USP25: variants seen among roughly 807,000 people sequenced by gnomAD.
The protein encoded by USP25 is ubiquitin specific peptidase 25, also known as ubiquitin carboxyl-terminal hydrolase 25.
Under a neutral mutation model 158.5 loss-of-function variants are expected in USP25, and 85 were observed. The ratio of observed to expected loss-of-function variants is 0.54; its 90% CI spans 0.45 to 0.64. USP25 has a LOEUF of 0.64. Among genes scored for constraint, USP25 ranks in the 30% least tolerant of loss-of-function variants. USP25 has a pLI of 0.00. For synonymous variants in USP25, 464 were observed against 460.4 expected, an observed-to-expected ratio of 1.01 and a Z score of -0.10; for missense variants, 1,242 against 1,327.3, an observed-to-expected ratio of 0.94 and a Z score of 1.00.
In USP25 at chr21:15,816,815, TCTTA is replaced by T. The variant is rs1033433973; in HGVS notation, c.932-1878_932-1875del. 6.6e-6 allele frequency among the ~76,000 whole-genome samples: 1 copy of T among 152,066 alleles called. No homozygotes were observed. Among genetic ancestry groups the T allele is most frequent in the Non-Finnish European group, 1.5e-5 (1 of 68,002 alleles). ...ACTAAAGAAAAAAAAAATCCTGTGT[TCTTA>T]CTTAAGTGGTGCCATTTTCAGTCCA... On this transcript the variant is annotated intron_variant, in intron 9 of 25. Coordinates refer to ENST00000400183, the MANE Select transcript of USP25 (RefSeq NM_001283041.3). This position sits in a 1 kb window ranked among gnomAD's most constrained non-coding sequence, Gnocchi z 4.0.
At position 15,826,982 on chromosome 21, in the gene USP25, C is replaced by G; in HGVS notation, c.1472C>G (p.Thr491Arg). 1 of 1,613,358 alleles carries G rather than the reference C, an allele frequency of 6.2e-7. No individual in the cohort carries two copies. The highest frequency in any genetic ancestry group is 8.5e-7 in the Non-Finnish European group (1 of 1,179,968). Residue 491 changes from threonine (T) to arginine (R), a missense_variant, in exon 14 of 26, where the codon ACA (threonine) becomes AGA (arginine). Transcript: ENST00000400183. This position sits in a 1 kb window ranked among gnomAD's most constrained non-coding sequence, Gnocchi z 4.8. ...SIPSQTLPST[T>R]EQQGALSSEL... Reference sequence around the variant, plus strand: ...TACTCTATGCTTTGATACAGCACAACAGAACAACAGGGAGCCCTATCTTCA... The same window carrying G: ...TACTCTATGCTTTGATACAGCACAAGAGAACAACAGGGAGCCCTATCTTCA...
chr21:15,772,910 A>G lies in USP25; in HGVS notation c.269-4994A>G, dbSNP rs149548057. Among the ~76,000 whole-genome samples, 456 of 152,280 alleles carry G rather than the reference A, an allele frequency of 3.0e-3. 4 individuals are homozygous for G. The highest frequency in any genetic ancestry group is 0.01 in the African/African-American group (429 of 41,566). ...GTGAGGGATCTTTCAGGATTCAGCT[A>G]TCTTTCAGGATTGTCATATTGTTCT... On this transcript the variant is annotated intron_variant, in intron 3 of 25. Coordinates refer to ENST00000400183, the MANE Select transcript of USP25 (RefSeq NM_001283041.3).
chr21:15,730,448 G>A lies in USP25; in HGVS notation c.45+10G>A. 1 of 1,357,082 alleles carries A rather than the reference G, an allele frequency of 7.4e-7. No individual in the cohort carries two copies. Among genetic ancestry groups the A allele is most frequent in the East Asian group, 3.1e-5 (1 of 31,812 alleles). The allele number at this position is 1,357,082 out of a possible 1,614,324, so 84.1% of individuals were successfully genotyped here. On this transcript the variant is annotated intron_variant, in intron 1 of 25. Transcript: ENST00000400183. ...GAGCGCGGCGCAGAAGGTGAGGCGAGTCCGCCAGCCGGCGGGCCCCACTTC... is the reference window on the plus strand; with the variant it reads ...GAGCGCGGCGCAGAAGGTGAGGCGAATCCGCCAGCCGGCGGGCCCCACTTC...
rs1436807979 is a variant in USP25, at chr21:15,808,825, T to C, written c.797T>C (p.Phe266Ser). The change falls in exon 8 of 26, where the codon TTT becomes TCT. Residue 266 changes from phenylalanine to serine, a missense_variant. Physicochemically the swap from Phe to Ser is radical, Grantham distance 155 (BLOSUM62 -2). Transcript: ENST00000400183. ...NDSQQQDVSEFTHKLLDWLED... is the reference protein window; with the variant it reads ...NDSQQQDVSESTHKLLDWLED... ...TTTTCACAGCAAGATGTGAGTGAGT[T>C]TACACACAAATTATTAGATTGGTTA... The C allele has an allele frequency of 6.2e-7, 1 of 1,608,104 alleles. No individual in the cohort carries two copies. Among genetic ancestry groups the C allele is most frequent in the Non-Finnish European group, 8.5e-7 (1 of 1,178,512 alleles).
chr21:15,766,360 A>G lies in USP25; in HGVS notation c.268+219A>G, dbSNP rs1464241373. Among the ~76,000 whole-genome samples, 1 of 152,114 alleles carries G rather than the reference A, an allele frequency of 6.6e-6. No homozygotes were observed. The highest frequency in any genetic ancestry group is 1.5e-5 in the Non-Finnish European group (1 of 67,978). ...TATATAGTTTTTCATAGAGCATTTC[A>G]TATAGAATTTATTGTTTTGAAATAT... On this transcript the variant is annotated intron_variant, in intron 3 of 25. Transcript: ENST00000400183. This position sits in a 1 kb window ranked among gnomAD's most constrained non-coding sequence, Gnocchi z 4.0.
chr21:15,779,739 C>T (rs905293498), intron 4 of USP25, among the ~76,000 whole-genome samples: 2 of 151,644 alleles, frequency 1.3e-5, no homozygotes, highest in Non-Finnish European at 2.9e-5. Context: ...CATTCTAGGT[C>T]TTTTACATTT....
At position 15,818,704 on chromosome 21, in the gene USP25, A is replaced by G. The variant is rs749731267; in HGVS notation, c.938A>G (p.Lys313Arg). The change falls in exon 10 of 26, where the codon AAA becomes AGA. Residue 313 changes from lysine (K) to arginine (R), a missense_variant. Coordinates refer to ENST00000400183, the MANE Select transcript of USP25 (RefSeq NM_001283041.3). The stretch of plus-strand genomic sequence containing the variant: ...ATTTTCTCCCTTCTTATAGGTAAAA[A>G]ATTTGAAAACACTGAAATGTTTGGT... ...FLAVGVLEGK[K>R]FENTEMFGQY... is the part of the protein sequence containing the mutation. 1.8e-5 allele frequency: 29 copies of G among 1,604,326 alleles called. No individual in the cohort carries two copies. Among genetic ancestry groups the G allele is most frequent in the Non-Finnish European group, 1.8e-5 (21 of 1,175,140 alleles).
intron 7 of USP25, 98 bp from the exon 8 acceptor site, chr21:15,808,707 GTAAT>G: frequency 4.2e-6 from 3 of 710,960 alleles, no homozygotes; most frequent in Non-Finnish European, 4.4e-6. Flanking sequence ...TAAGGAGTTG[GTAAT>G]TATATATTTC....
chr21:15,806,752 G>A lies in USP25; in HGVS notation c.780+1494G>A, dbSNP rs371946032. 1.4e-3 allele frequency among the ~76,000 whole-genome samples: 219 copies of A among 152,188 alleles called. No individual in the cohort carries two copies. In the Middle Eastern group the frequency reaches 0.02, roughly 14 times the overall value. ...AAACACTTGAATTTGAAGTCTACAG[G>A]AGTAATTTAGTGAATCTGTAAATGT... On this transcript the variant is annotated intron_variant, in intron 7 of 25. Coordinates refer to ENST00000400183, the MANE Select transcript of USP25 (RefSeq NM_001283041.3).
chr21:15,764,126 G>T (rs950379047), intron 2 of USP25, among the ~76,000 whole-genome samples: 1 of 152,130 alleles, frequency 6.6e-6, no homozygotes, highest in Non-Finnish European at 1.5e-5. Flanking sequence ...TAAGTATTTG[G>T]AGAGGAAGCA....
chr21:15,771,186 A>G (rs535629032), intron 3 of USP25, among the ~76,000 whole-genome samples: 1 of 152,226 alleles, frequency 6.6e-6, no homozygotes, highest in Admixed American at 6.5e-5. Context: ...GTAAACAAAC[A>G]GTATCAGATA....
At chr21:15,782,930 G>T (rs2035048421) in intron 4 of USP25, among the ~76,000 whole-genome samples, 1 of 152,084 alleles carries the variant, frequency 6.6e-6, no homozygotes, top group African/African-American at 2.4e-5. Flanking sequence ...TTTATGAAAT[G>T]CATGAAAAAT....
intron 19 of USP25, 111 bp downstream of exon 19, chr21:15,847,887 A>G (rs977291541): frequency 6.8e-5 from 37 of 544,174 alleles, no homozygotes; most frequent in Middle Eastern, 5.6e-4. Context: ...CATAACATAC[A>G]GCTTTGCCCC....
Position 15,877,943 on chromosome 21 carries a change from G to C in USP25, c.3157G>C (p.Glu1053Gln). Reference sequence around the variant, plus strand: ...GGAAGAAAAGGATATACTAGCTGTAGAAGATATGAGAAATCGATGGTGTTC... The same window carrying C: ...GGAAGAAAAGGATATACTAGCTGTACAAGATATGAGAAATCGATGGTGTTC... ...EMEEKDILAVEDMRNRWCSYL... is the reference protein window; with the variant it reads ...EMEEKDILAVQDMRNRWCSYL... Residue 1053 changes from glutamate (E) to glutamine (Q), a missense_variant, in exon 25 of 26, where the codon GAA (glutamate) becomes CAA (glutamine). By Grantham distance (29) the Glu-to-Gln change is conservative. This residue lies in a region of USP25 where 608 missense variants were observed against 605.2 expected (regional missense o/e 1.00). Transcript: ENST00000400183. 1 of 1,613,132 alleles carries C rather than the reference G, an allele frequency of 6.2e-7. No individual in the cohort carries two copies. Among genetic ancestry groups the C allele is most frequent in the Non-Finnish European group, 8.5e-7 (1 of 1,179,652 alleles).
chr21:15,866,427 A>G, intron 22 of USP25, 83 bp downstream of exon 22: 1 of 1,057,612 alleles, frequency 9.5e-7, no homozygotes, highest in Non-Finnish European at 1.3e-6. Context: ...GCCCAACTGA[A>G]GTTGAATTTG....
intron 22 of USP25, among the ~76,000 whole-genome samples, chr21:15,866,567 G>A (rs544016572): frequency 6.6e-6 from 1 of 152,150 alleles, no homozygotes; most frequent in South Asian, 2.1e-4. Context: ...AAAAAAGGAA[G>A]ATTTTTGGTT....
chr21:15,792,313 A>G (rs968999975), intron 5 of USP25, among the ~76,000 whole-genome samples: 2 of 151,508 alleles, frequency 1.3e-5, no homozygotes, highest in African/African-American at 4.8e-5. Flanking sequence ...TACGTGTTTA[A>G]CAACTGTTAT....
At chr21:15,837,616 C>T (rs1057086909) in intron 17 of USP25, among the ~76,000 whole-genome samples, 4 of 152,138 alleles carry the variant, frequency 2.6e-5, no homozygotes, top group African/African-American at 4.8e-5. Context: ...GAGAGAAGAG[C>T]GTTGTCCGAG....
chr21:15,741,805 ATTGC>A (rs2032083000), intron 1 of USP25, among the ~76,000 whole-genome samples: 2 of 152,234 alleles, frequency 1.3e-5, no homozygotes, highest in African/African-American at 4.8e-5. Context: ...ACAAATTGAG[ATTGC>A]ACAATTTTTT....
Sources: allele counts gnomAD v4.1 joint callset (sites outside exome capture counted in the v4.1 genomes callset), GRCh38; gene constraint gnomAD v4.1.1; regional missense constraint gnomAD v4.1.1; non-coding constraint Gnocchi (gnomAD v3.1); transcripts MANE v1.5; gene names NCBI Gene and HGNC (gene_info 2026-07-23, HGNC 2026-07-21).